The following MAGI2 variants were observed in gnomAD, a reference collection of about 807,000 sequenced individuals.
MAGI2 encodes membrane-associated guanylate kinase, WW and PDZ domain-containing protein 2.
Under a neutral mutation model 133.3 loss-of-function variants are expected in MAGI2, and 35 were observed. That is an observed-to-expected ratio of 0.26 (90% CI 0.20 to 0.35). MAGI2 has a LOEUF of 0.35. MAGI2 is among the 10% of genes least tolerant of loss of function. The pLI is 1.00. For missense variants in MAGI2, 1,636 were observed against 1,863.4 expected (o/e 0.88, Z 2.25); for synonymous variants, 729 against 710.6 (o/e 1.03, Z -0.41).
chr7:78,656,846 C>CA (rs1812339400), intron 2 of MAGI2, among the ~76,000 whole-genome samples: 1 of 150,998 alleles, frequency 6.6e-6, no homozygotes. Flanking sequence ...TTATGATATG[C>CA]AAAAAACACT....
intron 1 of MAGI2, among the ~76,000 whole-genome samples, chr7:79,016,153 T>C (rs1302219266): frequency 6.6e-6 from 1 of 152,102 alleles, no homozygotes; most frequent in Non-Finnish European, 1.5e-5. Flanking sequence ...ACTCCAGCCA[T>C]TGTGGAACCC....
intron 9 of MAGI2, among the ~76,000 whole-genome samples, chr7:78,264,542 T>C (rs61396417): frequency 3.9e-4 from 60 of 152,292 alleles, no homozygotes; most frequent in African/African-American, 1.3e-3. Flanking sequence ...CCACTGTATT[T>C]GCTAGGTCCA....
At chr7:78,957,971 T>C (rs1802539213) in intron 2 of MAGI2, among the ~76,000 whole-genome samples, 1 of 152,168 alleles carries the variant, frequency 6.6e-6, no homozygotes, top group African/African-American at 2.4e-5. Flanking sequence ...TACTTGTGTG[T>C]CATTGATTAA....
intron 1 of MAGI2, chr7:79,125,510 G>C (rs1025115493): frequency 1.9e-6 from 1 of 513,964 alleles, no homozygotes; most frequent in African/African-American, 1.9e-5. Flanking sequence ...GGAAGTGGTG[G>C]ACAGGGTTAT....
chr7:79,120,903 G>A (rs1819836412), intron 1 of MAGI2, among the ~76,000 whole-genome samples: 2 of 152,010 alleles, frequency 1.3e-5, no homozygotes, highest in South Asian at 2.1e-4. Flanking sequence ...CAAAATAAAG[G>A]CTACCAACAT....
chr7:78,209,680 T>C lies in MAGI2; in HGVS notation c.2048-8487A>G, dbSNP rs115765609. On this transcript the variant is annotated intron_variant, in intron 10 of 21. Coordinates refer to ENST00000354212, the MANE Select transcript of MAGI2 (RefSeq NM_012301.4). ...TTTACCTCCATGGCCACCATTGTAA[T>C]TCACGCCCTATTTTCTCTTGCTTGA... Among the ~76,000 whole-genome samples, 1,124 of 152,328 alleles carry C rather than the reference T, an allele frequency of 7.4e-3. 9 individuals carry two copies. Among genetic ancestry groups the C allele is most frequent in the African/African-American group, 0.024 (991 of 41,580 alleles).
At chr7:79,149,356 A>G (rs1241418567) in intron 1 of MAGI2, among the ~76,000 whole-genome samples, 1 of 151,630 alleles carries the variant, frequency 6.6e-6, no homozygotes, top group African/African-American at 2.4e-5. Context: ...TGCTAACTCT[A>G]CTGGCTAAAT....
At chr7:78,427,120 G>A (rs12532329) in intron 6 of MAGI2, among the ~76,000 whole-genome samples, 27,048 of 151,834 alleles carry the variant, frequency 0.18, 3,270 homozygotes, top group African/African-American at 0.34. Flanking sequence ...AAAAGCCATA[G>A]CTAAAAATTC....
Position 78,874,987 on chromosome 7 carries a change from T to G in MAGI2, c.418+132103A>C, listed in dbSNP as rs1019695673. On this transcript the variant is annotated intron_variant, in intron 2 of 21. Transcript: ENST00000354212. ...AATCAGAGATTTACCCTTGAGAGAC[T>G]ATAACTATAATGGATAGTGGCTGAG... Among the ~76,000 whole-genome samples the G allele has an allele frequency of 4.6e-5, 7 of 152,106 alleles. No individual in the cohort carries two copies. The South Asian group carries it at 8.3e-4, about 18-fold the overall frequency.
At chr7:79,402,785 G>A (rs1845559515) in intron 1 of MAGI2, among the ~76,000 whole-genome samples, 1 of 152,124 alleles carries the variant, frequency 6.6e-6, no homozygotes, top group South Asian at 2.1e-4. Context: ...AACATAGCAA[G>A]ACCCCATCTC....
At chr7:79,028,087 C>G (rs1284096197) in intron 1 of MAGI2, among the ~76,000 whole-genome samples, 2 of 151,372 alleles carry the variant, frequency 1.3e-5, no homozygotes, top group Admixed American at 1.3e-4. Context: ...TGGCATGCGC[C>G]TGTAGTCCCA....
chr7:78,726,843 CT>C (rs1035007400), intron 2 of MAGI2, among the ~76,000 whole-genome samples: 7 of 151,356 alleles, frequency 4.6e-5, no homozygotes, highest in African/African-American at 1.7e-4. Flanking sequence ...AGAATCACAT[CT>C]TTTTAGGCAT....
intron 1 of MAGI2, among the ~76,000 whole-genome samples, chr7:79,185,098 G>T (rs1826960746): frequency 6.6e-6 from 1 of 151,836 alleles, no homozygotes. Context: ...CAAGTACTCT[G>T]AGTGGATACT....
Position 79,181,164 on chromosome 7 carries a change from T to C in MAGI2, c.302-173958A>G, listed in dbSNP as rs147753037. Among the ~76,000 whole-genome samples, 893 of 151,926 alleles carry C rather than the reference T, an allele frequency of 5.9e-3. 26 individuals carry two copies. The highest frequency in any genetic ancestry group is 0.021 in the African/African-American group (853 of 41,380). On this transcript the variant is annotated intron_variant, in intron 1 of 21. Transcript: ENST00000354212. ...AGAACAGTGGCCCTCTTCTCACAAC[T>C]CCACTAGGCAGTGCCCCAGTAGAGA...
At chr7:78,301,165 C>T (rs1797786173) in intron 9 of MAGI2, among the ~76,000 whole-genome samples, 2 of 152,110 alleles carry the variant, frequency 1.3e-5, no homozygotes, top group African/African-American at 4.8e-5. Context: ...TTAGAACAAA[C>T]ATCCCTAGAC....
intron 2 of MAGI2, among the ~76,000 whole-genome samples, chr7:78,649,856 T>A (rs1349266471): frequency 6.6e-6 from 1 of 151,198 alleles, no homozygotes; most frequent in East Asian, 1.9e-4. Context: ...ATAATGCTAA[T>A]CGCATGAAAG....
intron 7 of MAGI2, among the ~76,000 whole-genome samples, chr7:78,359,883 A>G (rs1430130700): frequency 1.3e-5 from 2 of 152,246 alleles, no homozygotes; most frequent in Non-Finnish European, 2.9e-5. Context: ...CCATTCATTT[A>G]ACAAATAAAA....
chr7:78,396,782 G>A (rs1431611756), intron 6 of MAGI2, among the ~76,000 whole-genome samples: 2 of 152,178 alleles, frequency 1.3e-5, no homozygotes, highest in African/African-American at 4.8e-5. Flanking sequence ...TGAAGAGGGT[G>A]ATGTGATGTC....
At chr7:79,110,183 C>T (rs1283297606) in intron 1 of MAGI2, among the ~76,000 whole-genome samples, 5 of 152,032 alleles carry the variant, frequency 3.3e-5, no homozygotes, top group African/African-American at 1.2e-4. Flanking sequence ...CAGGCAGAAG[C>T]TTGCTACAGA....
Sources: allele counts gnomAD v4.1 joint callset (sites outside exome capture counted in the v4.1 genomes callset), GRCh38; gene constraint gnomAD v4.1.1; transcripts MANE v1.5; gene names NCBI Gene and HGNC (gene_info 2026-07-23, HGNC 2026-07-21).